NRXN1: variants seen among roughly 807,000 people sequenced by gnomAD.
NRXN1 encodes the protein neurexin 1.
A neutral mutation model predicts 150.9 loss-of-function variants in NRXN1; 39 were observed. That is an observed-to-expected ratio of 0.26 (90% CI 0.20 to 0.34). The LOEUF is 0.34. Among genes scored for constraint, NRXN1 ranks in the 10% least tolerant of loss-of-function variants. The probability of loss-of-function intolerance (pLI) is 1.00; values close to 1 mark genes in which losing one functional copy is unlikely to be tolerated. For missense variants in NRXN1, 1,815 were observed against 1,949.9 expected, an observed-to-expected ratio of 0.93 and a Z score of 1.30; for synonymous variants, 924 against 757.0, an observed-to-expected ratio of 1.22 and a Z score of -3.62.
chr2:50,552,752 G>A lies in NRXN1; in HGVS notation c.1594C>T (p.His532Tyr). 2 of 1,613,956 alleles carry A rather than the reference G, an allele frequency of 1.2e-6. No homozygotes were observed. Reference protein sequence around the residue: ...GKPRHQKDAKHPQMIKVDFFA... With the variant: ...GKPRHQKDAKYPQMIKVDFFA... ...AAGTCCACCTTTATCATCTGTGGGT[G>A]CTTGGCATCTTTCTGATGTCTTGGC... Residue 532 changes from histidine (H) to tyrosine (Y), a missense_variant, in exon 9 of 23, where the codon CAC becomes TAC. His to Tyr is a moderately conservative substitution (Grantham distance 83, BLOSUM62 2). Transcript: ENST00000401669.
intron 17 of NRXN1, among the ~76,000 whole-genome samples, chr2:50,407,656 A>G (rs375317197): frequency 1.0e-3 from 157 of 152,090 alleles, no homozygotes; most frequent in African/African-American, 3.5e-3. Flanking sequence ...GCTGTATAAA[A>G]AGAGGAAGAG....
At chr2:50,861,526 C>A (rs964677552) in intron 5 of NRXN1, among the ~76,000 whole-genome samples, 1 of 152,110 alleles carries the variant, frequency 6.6e-6, no homozygotes, top group Non-Finnish European at 1.5e-5. Context: ...ACCACCCCCA[C>A]CTTTACCAAG....
chr2:50,736,502 C>T (rs894214074), intron 5 of NRXN1, among the ~76,000 whole-genome samples: 1 of 152,092 alleles, frequency 6.6e-6, no homozygotes, highest in Non-Finnish European at 1.5e-5. Flanking sequence ...AATTGCAGCT[C>T]CCATAATTCC....
chr2:50,290,097 T>C (rs1172114640), intron 17 of NRXN1, among the ~76,000 whole-genome samples: 1 of 152,166 alleles, frequency 6.6e-6, no homozygotes, highest in Non-Finnish European at 1.5e-5. Flanking sequence ...AGACATTTTA[T>C]CTACTTCAGA....
intron 5 of NRXN1, among the ~76,000 whole-genome samples, chr2:50,757,429 A>T (rs1218147290): frequency 4.0e-5 from 6 of 151,864 alleles, no homozygotes; most frequent in Non-Finnish European, 8.8e-5. Context: ...AGAAGTACAG[A>T]ATGGATGATA....
In NRXN1 at chr2:50,642,419, A is replaced by G. The variant is rs1016076471; in HGVS notation, c.833-18804T>C. 2.6e-5 allele frequency among the ~76,000 whole-genome samples: 4 copies of G among 152,090 alleles called. 1 individual carries two copies. Among genetic ancestry groups the G allele is most frequent in the Non-Finnish European group, 5.9e-5 (4 of 67,986 alleles). ...AGGAGATTTGAGGAAAAGATCCTCC[A>G]GAGTATGATATAAAAATGAGTGAAG... On this transcript the variant is annotated intron_variant, in intron 5 of 22. Coordinates refer to ENST00000401669, the MANE Select transcript of NRXN1 (RefSeq NM_001330078.2).
At chr2:50,270,036 T>A (rs2069381995) in intron 17 of NRXN1, among the ~76,000 whole-genome samples, 1 of 152,210 alleles carries the variant, frequency 6.6e-6, no homozygotes, top group African/African-American at 2.4e-5. Flanking sequence ...ATGATAACTA[T>A]CCCCTCCGTT....
At chr2:50,889,827 A>G (rs1208172350) in intron 5 of NRXN1, among the ~76,000 whole-genome samples, 2 of 151,738 alleles carry the variant, frequency 1.3e-5, no homozygotes, top group African/African-American at 4.8e-5. Context: ...CATACAATAT[A>G]TAACCACTTT....
At chr2:50,407,934 T>C (rs2104020214) in intron 17 of NRXN1, among the ~76,000 whole-genome samples, 1 of 152,286 alleles carries the variant, frequency 6.6e-6, no homozygotes, top group African/African-American at 2.4e-5. Context: ...GGCTTCATCG[T>C]CTTCTCACTC....
At chr2:50,238,478 A>G (rs1334967680) in intron 17 of NRXN1, among the ~76,000 whole-genome samples, 1 of 152,058 alleles carries the variant, frequency 6.6e-6, no homozygotes, top group African/African-American at 2.4e-5. Flanking sequence ...ACATAATAAG[A>G]GAAAATATGA....
At chr2:50,838,322 G>A (rs1672386524) in intron 5 of NRXN1, among the ~76,000 whole-genome samples, 1 of 152,134 alleles carries the variant, frequency 6.6e-6, no homozygotes, top group Non-Finnish European at 1.5e-5. Flanking sequence ...AAAATTGAGA[G>A]AACAGAGAGA....
At chr2:51,007,061 T>C (rs1180990399) in intron 2 of NRXN1, among the ~76,000 whole-genome samples, 2 of 151,994 alleles carry the variant, frequency 1.3e-5, no homozygotes, top group Non-Finnish European at 2.9e-5. Context: ...TACGTATTAC[T>C]TAAAAGTCAT....
At chr2:50,269,178 T>C (rs2069260461) in intron 17 of NRXN1, among the ~76,000 whole-genome samples, 1 of 152,116 alleles carries the variant, frequency 6.6e-6, no homozygotes, top group Non-Finnish European at 1.5e-5. Context: ...GCTCAGCATA[T>C]GGTAGGCAAT....
intron 8 of NRXN1, among the ~76,000 whole-genome samples, chr2:50,601,937 T>C (rs545215896): frequency 6.6e-6 from 1 of 152,300 alleles, no homozygotes; most frequent in East Asian, 1.9e-4. Flanking sequence ...ACCGGTTACA[T>C]GGAGCTAAGA....
At chr2:50,825,839 T>C (rs1424145362) in intron 5 of NRXN1, among the ~76,000 whole-genome samples, 3 of 152,210 alleles carry the variant, frequency 2.0e-5, no homozygotes, top group Non-Finnish European at 4.4e-5. Context: ...CACTTTCTGC[T>C]GCTAGACTGT....
chr2:50,916,079 T>C (rs1316254980), intron 5 of NRXN1, among the ~76,000 whole-genome samples: 1 of 147,350 alleles, frequency 6.8e-6, no homozygotes, highest in African/African-American at 2.5e-5. Flanking sequence ...GTTTCCTTTA[T>C]ACTACCACTA....
intron 15 of NRXN1, among the ~76,000 whole-genome samples, chr2:50,486,247 A>G (rs1473016488): frequency 6.6e-6 from 1 of 152,182 alleles, no homozygotes; most frequent in Admixed American, 6.5e-5. Flanking sequence ...TGCATAAATG[A>G]CATAATTGAT....
In NRXN1 at chr2:50,601,461, C is replaced by T. The variant is rs574388186; in HGVS notation, c.1320+18561G>A. 4.6e-5 allele frequency among the ~76,000 whole-genome samples: 7 copies of T among 152,228 alleles called. No individual in the cohort carries two copies. In the South Asian group the frequency reaches 6.2e-4, roughly 14 times the overall value. ...AGAAATTCTGATGAATTATGTCATT[C>T]GAGTTATCACAATTGATTATTCAAA... On this transcript the variant is annotated intron_variant, in intron 8 of 22. Coordinates refer to ENST00000401669, the MANE Select transcript of NRXN1 (RefSeq NM_001330078.2).
intron 21 of NRXN1, among the ~76,000 whole-genome samples, chr2:49,952,430 G>T (rs1674137241): frequency 6.6e-6 from 1 of 152,018 alleles, no homozygotes; most frequent in Non-Finnish European, 1.5e-5. Flanking sequence ...ATTAATGCTA[G>T]AGTTCAACTT....
Sources: allele counts gnomAD v4.1 joint callset (sites outside exome capture counted in the v4.1 genomes callset), GRCh38; gene constraint gnomAD v4.1.1; transcripts MANE v1.5; gene names NCBI Gene and HGNC (gene_info 2026-07-23, HGNC 2026-07-21).